GRIK1: variants seen among roughly 807,000 people sequenced by gnomAD.
GRIK1 encodes the protein glutamate ionotropic receptor kainate type subunit 1.
A neutral mutation model predicts 105.7 loss-of-function variants in GRIK1; 69 were observed. That is an observed-to-expected ratio of 0.65 (90% confidence interval 0.54 to 0.80). The LOEUF (loss-of-function observed/expected upper bound fraction) is 0.80, where lower values mean the gene tolerates loss of function less well. Ranked by LOEUF, GRIK1 falls within the 30% of genes least tolerant of loss-of-function variation. The pLI is 0.00. For synonymous variants in GRIK1, 438 were observed against 431.3 expected (o/e 1.02, Z -0.19); for missense variants, 1,109 against 1,167.3 (o/e 0.95, Z 0.73).
intron 1 of GRIK1, among the ~76,000 whole-genome samples, chr21:29,931,295 T>C (rs536805937): frequency 1.1e-4 from 17 of 152,282 alleles, no homozygotes; most frequent in African/African-American, 4.1e-4. Flanking sequence ...TTTTCAGATT[T>C]TCCTTGTTTT....
intron 7 of GRIK1, among the ~76,000 whole-genome samples, chr21:29,618,129 C>A (rs2061893909): frequency 1.3e-5 from 2 of 152,144 alleles, no homozygotes; most frequent in South Asian, 4.1e-4. Flanking sequence ...CTTACCTAAA[C>A]TTCAGAGACA....
At chr21:29,623,822 G>A (rs2062061786) in intron 7 of GRIK1, among the ~76,000 whole-genome samples, 1 of 152,206 alleles carries the variant, frequency 6.6e-6, no homozygotes, top group African/African-American at 2.4e-5. Flanking sequence ...AGTATAAAGT[G>A]TGGATTCTCC....
intron 1 of GRIK1, among the ~76,000 whole-genome samples, chr21:29,912,039 A>G (rs2070835258): frequency 6.6e-6 from 1 of 152,126 alleles, no homozygotes; most frequent in South Asian, 2.1e-4. Flanking sequence ...ACACATACAC[A>G]CAAACACACA....
intron 1 of GRIK1, among the ~76,000 whole-genome samples, chr21:29,865,990 T>C (rs1354364480): frequency 2.0e-5 from 3 of 152,318 alleles, no homozygotes; most frequent in Admixed American, 2.0e-4. Context: ...AGTGGTCATT[T>C]AGAAGAACAA....
rs147414850 is a variant in GRIK1 at position 29,843,656 on chromosome 21, G to A, written c.118+95727C>T. Among the ~76,000 whole-genome samples the A allele has an allele frequency of 3.9e-5, 6 of 152,198 alleles. No individual in the cohort carries two copies. The East Asian group carries it at 1.2e-3, about 29-fold the overall frequency. The stretch of plus-strand genomic sequence containing the variant: ...TGTTGAAAGCTTCAGCCGACACTGG[G>A]GAGAGAGAAAACTCCATTTCTATGG... On this transcript the variant is annotated intron_variant, in intron 1 of 17. Coordinates refer to ENST00000327783, the MANE Select transcript of GRIK1 (RefSeq NM_001330994.2).
intron 1 of GRIK1, among the ~76,000 whole-genome samples, chr21:29,907,334 C>A (rs1416846485): frequency 2.6e-5 from 4 of 151,910 alleles, no homozygotes; most frequent in African/African-American, 9.7e-5. Context: ...GAGAAGAAAA[C>A]CAAGAAAATT....
chr21:29,915,940 T>C (rs1199079220), intron 1 of GRIK1, among the ~76,000 whole-genome samples: 1 of 151,932 alleles, frequency 6.6e-6, no homozygotes, highest in East Asian at 1.9e-4. Flanking sequence ...AAACACTCAT[T>C]AAAACCTCAT....
intron 1 of GRIK1, among the ~76,000 whole-genome samples, chr21:29,890,409 G>T (rs2069850748): frequency 6.6e-6 from 1 of 152,038 alleles, no homozygotes; most frequent in African/African-American, 2.4e-5. Flanking sequence ...GGGACTTTAA[G>T]TTTTTGAATT....
intron 13 of GRIK1, among the ~76,000 whole-genome samples, chr21:29,580,055 ATATATATATG>A (rs1568843330): frequency 3.0e-5 from 4 of 132,880 alleles, no homozygotes. Context: ...GTATATATGT[ATATATATATG>A]TGTATATATA....
intron 1 of GRIK1, among the ~76,000 whole-genome samples, chr21:29,831,129 G>A (rs443589): frequency 0.39 from 59,160 of 152,028 alleles, 12,603 homozygotes; most frequent in East Asian, 0.7. Context: ...AAGCAGTTTC[G>A]GTAGATTTTG....
chr21:29,898,205 A>T (rs2070245702), intron 1 of GRIK1, among the ~76,000 whole-genome samples: 1 of 152,198 alleles, frequency 6.6e-6, no homozygotes, highest in Non-Finnish European at 1.5e-5. Context: ...TCTGCAGCAG[A>T]TACCTTTATT....
intron 7 of GRIK1, among the ~76,000 whole-genome samples, chr21:29,621,972 G>A (rs1301733939): frequency 6.6e-6 from 1 of 150,708 alleles, no homozygotes; most frequent in Non-Finnish European, 1.5e-5. Context: ...TTGAGTTGGA[G>A]TTTCGCTCTT....
chr21:29,781,959 C>G (rs1031376399), intron 1 of GRIK1, among the ~76,000 whole-genome samples: 1 of 151,774 alleles, frequency 6.6e-6, no homozygotes, highest in Non-Finnish European at 1.5e-5. Context: ...CGTGAGCCAC[C>G]GCGCCCGGCC....
rs35063316 is a variant in GRIK1 at position 29,614,402 on chromosome 21, C to CTT, written c.1099-15467_1099-15466dup. ...TAATTGCCTGGAGAATAAAATCCCT[C>CTT]TTTTTTTTTTTTTTTTTTTTTTTTT... On this transcript the variant is annotated intron_variant, in intron 7 of 17. Transcript: ENST00000327783. Among the ~76,000 whole-genome samples, 297 of 83,082 alleles carry CTT rather than the reference C, an allele frequency of 3.6e-3. 15 individuals carry two copies. The highest frequency in any genetic ancestry group is 8.0e-3 in the African/African-American group (163 of 20,394). 54.5% of individuals were successfully genotyped at this position (83,082 alleles called of 152,430 possible). A position where few individuals can be genotyped will look rare whatever the true frequency, so the allele number is the denominator to read the frequency against.
intron 1 of GRIK1, among the ~76,000 whole-genome samples, chr21:29,824,939 G>A (rs867566564): frequency 5.2e-4 from 79 of 152,142 alleles, no homozygotes; most frequent in African/African-American, 1.9e-3. Context: ...GGTGACTTGA[G>A]TGATGTTGAT....
intron 1 of GRIK1, among the ~76,000 whole-genome samples, chr21:29,919,155 G>T (rs190345478): frequency 6.6e-6 from 1 of 152,172 alleles, no homozygotes; most frequent in Admixed American, 6.6e-5. Context: ...TCAATAGAAA[G>T]GGAGTCAAGG....
chr21:29,823,502 A>G (rs1330900025), intron 1 of GRIK1, among the ~76,000 whole-genome samples: 1 of 152,034 alleles, frequency 6.6e-6, no homozygotes, highest in Admixed American at 6.6e-5. Flanking sequence ...ACACCATACA[A>G]ATTTGAAGCT....
chr21:29,721,264 G>A (rs1321429657), intron 1 of GRIK1, among the ~76,000 whole-genome samples: 1 of 152,118 alleles, frequency 6.6e-6, no homozygotes, highest in African/African-American at 2.4e-5. Context: ...TGAACCCTCC[G>A]AGGATAGATG....
intron 7 of GRIK1, among the ~76,000 whole-genome samples, chr21:29,629,369 A>T (rs999461519): frequency 2.2e-4 from 33 of 152,286 alleles, no homozygotes; most frequent in African/African-American, 7.7e-4. Context: ...ACAAGTAGAC[A>T]CTGAGGAAAA....
Sources: gnomAD v4.1 joint callset for allele counts (sites outside exome capture counted in the v4.1 genomes callset) on GRCh38, gnomAD v4.1.1 for gene constraint, MANE v1.5 for transcripts, NCBI Gene and HGNC (gene_info 2026-07-23, HGNC 2026-07-21) for gene names.